The following NUP88 variants were observed in gnomAD, a reference collection of about 807,000 sequenced individuals.
The protein encoded by NUP88 is nuclear pore complex protein Nup88.
Under a neutral mutation model 93.9 loss-of-function variants are expected in NUP88, and 57 were observed. The ratio of observed to expected loss-of-function variants is 0.61; its 90% CI spans 0.49 to 0.76. NUP88 has a LOEUF of 0.76. Among genes scored for constraint, NUP88 ranks in the 30% least tolerant of loss-of-function variants. The probability of loss-of-function intolerance (pLI) is 0.00; values close to 1 mark genes in which losing one functional copy is unlikely to be tolerated. For missense variants in NUP88, 911 were observed against 901.0 expected (o/e 1.01, Z -0.14); for synonymous variants, 346 against 336.8 (o/e 1.03, Z -0.30).
At chr17:5,413,215 TC>T (rs1913942067) in intron 3 of NUP88, among the ~76,000 whole-genome samples, 1 of 151,928 alleles carries the variant, frequency 6.6e-6, no homozygotes, top group African/African-American at 2.4e-5. Flanking sequence ...CAAATGATCC[TC>T]CCACCTCGGC....
At chr17:5,393,209 C>T (rs1408432218) in intron 9 of NUP88, among the ~76,000 whole-genome samples, 3 of 151,872 alleles carry the variant, frequency 2.0e-5, no homozygotes, top group African/African-American at 7.3e-5. Context: ...CCTGCCTCAG[C>T]CTCCCAAAGT....
Position 5,387,770 on chromosome 17 carries a change from ACAT to A in NUP88, c.1769+6_1769+8del. Reference sequence around the variant, plus strand: ...GGGATCGATGGTTTGTGAACACAGGACATCATACCTCCGCTGAATCTCCTCCTT... The same window carrying A: ...GGGATCGATGGTTTGTGAACACAGGACATACCTCCGCTGAATCTCCTCCTT... On this transcript the variant is annotated splice_donor_region_variant and intron_variant, in intron 12 of 16. Transcript: ENST00000573584. 1 of 1,612,202 alleles carries A rather than the reference ACAT, an allele frequency of 6.2e-7. No individual in the cohort carries two copies. The highest frequency in any genetic ancestry group is 8.5e-7 in the Non-Finnish European group (1 of 1,179,012).
chr17:5,399,894 C>G (rs1030548003), intron 7 of NUP88, among the ~76,000 whole-genome samples: 1 of 151,854 alleles, frequency 6.6e-6, no homozygotes, highest in South Asian at 2.1e-4. Flanking sequence ...TGCAATAAAG[C>G]GAATACAGAA....
At position 5,419,594 on chromosome 17, in the gene NUP88, A is replaced by G; in HGVS notation, c.57T>C (p.Pro19=). ...GGAGCCGCAAGAACACGACGTGGTTAGGAAGCCAGGTCTGCCACAGCTCGC... is the reference window on the plus strand; with the variant it reads ...GGAGCCGCAAGAACACGACGTGGTTGGGAAGCCAGGTCTGCCACAGCTCGC... ...GDGELWQTWL[P]NHVVFLRLRE... The change falls in exon 1 of 17, where the codon CCT becomes CCC. Residue 19 remains proline, a synonymous_variant. Transcript: ENST00000573584. 1 of 1,605,804 alleles carries G rather than the reference A, an allele frequency of 6.2e-7. No individual in the cohort carries two copies. The highest frequency in any genetic ancestry group is 8.5e-7 in the Non-Finnish European group (1 of 1,174,780).
chr17:5,397,168 C>T (rs527239435), intron 8 of NUP88, among the ~76,000 whole-genome samples: 3 of 152,088 alleles, frequency 2.0e-5, no homozygotes, highest in African/African-American at 7.2e-5. Flanking sequence ...GGTAAAACCC[C>T]ATCTCTACAA....
In NUP88 at chr17:5,399,594, C is replaced by T; in HGVS notation, c.1249G>A (p.Gly417Arg). ...TGAAGTTTATGAATCCAAGTTAGCC[C>T]AACACTATGTACACCAGCTTCATGA... ...CTHEAGVHSV[G>R]LTWIHKLHKF... The change falls in exon 8 of 17, where the codon GGG (glycine) becomes AGG (arginine). Residue 417 changes from glycine to arginine, a missense_variant. Physicochemically the swap from Gly to Arg is moderately radical, Grantham distance 125. Coordinates refer to ENST00000573584, the MANE Select transcript of NUP88 (RefSeq NM_002532.6). 6.2e-7 allele frequency: 1 copy of T among 1,610,354 alleles called. No individual in the cohort carries two copies. Among genetic ancestry groups the T allele is most frequent in the Non-Finnish European group, 8.5e-7 (1 of 1,177,662 alleles).
At chr17:5,398,097 G>A (rs1051960043) in intron 8 of NUP88, among the ~76,000 whole-genome samples, 38 of 150,770 alleles carry the variant, frequency 2.5e-4, no homozygotes, top group African/African-American at 8.8e-4. Context: ...TTTTTTAGTA[G>A]AGACAGGGTT....
Position 5,414,129 on chromosome 17 carries a change from G to C in NUP88, c.473C>G (p.Thr158Ser), listed in dbSNP as rs781404451. 8 of 1,613,058 alleles carry C rather than the reference G, an allele frequency of 5.0e-6. No individual in the cohort carries two copies. Among genetic ancestry groups the C allele is most frequent in the Non-Finnish European group, 6.8e-6 (8 of 1,179,218 alleles). The change falls in exon 3 of 17, where the codon ACT (threonine) becomes AGT (serine). Residue 158 changes from threonine (T) to serine (S), a missense_variant. By Grantham distance (58) the Thr-to-Ser change is moderately conservative. Coordinates refer to ENST00000573584, the MANE Select transcript of NUP88 (RefSeq NM_002532.6). ...GGKSTVNCST[T>S]PVAERFFTSS... ...GGTGAAAAATCTCTCCGCAACTGGA[G>C]TGGTACTAAAATAAAGATAATAATT...
rs1325330996 is a variant in NUP88, at chr17:5,405,535, G to A, written c.858-292C>T. On this transcript the variant is annotated intron_variant, in intron 5 of 16. Transcript: ENST00000573584. ...ATTAGCATCTAGTGGTTAGAGGCTA[G>A]ACAGAAGCCGCTAAACATTCCCGCA... 3.3e-5 allele frequency among the ~76,000 whole-genome samples: 5 copies of A among 152,280 alleles called. No homozygotes were observed. In the East Asian group the frequency reaches 9.7e-4, roughly 29 times the overall value.
In NUP88 at chr17:5,399,187, G is replaced by A. The variant is rs964982909; in HGVS notation, c.1291+365C>T. On this transcript the variant is annotated intron_variant, in intron 8 of 16. Transcript: ENST00000573584. ...ACTACAGGCGTGAGCCACCGCACCCGGCCTTTTTTTTTTTTTTTTTTTTAA... is the reference window on the plus strand; with the variant it reads ...ACTACAGGCGTGAGCCACCGCACCCAGCCTTTTTTTTTTTTTTTTTTTTAA... 4.4e-3 allele frequency among the ~76,000 whole-genome samples: 559 copies of A among 126,160 alleles called. 4 individuals are homozygous for A. The highest frequency in any genetic ancestry group is 0.016 in the African/African-American group (536 of 33,858). The allele number at this position is 126,160 out of a possible 152,430, so 82.8% of individuals were successfully genotyped here. A position where few individuals can be genotyped will look rare whatever the true frequency, so the allele number is the denominator to read the frequency against.
intron 2 of NUP88, 128 bp from the exon 3 acceptor site, chr17:5,414,262 CT>C (rs1167121535): frequency 8.7e-6 from 6 of 692,486 alleles, no homozygotes; most frequent in Non-Finnish European, 1.4e-5. Flanking sequence ...ACGGCACAAT[CT>C]CGGCTCACTG....
chr17:5,407,282 A>G (rs1447635911), intron 5 of NUP88, among the ~76,000 whole-genome samples: 1 of 152,190 alleles, frequency 6.6e-6, no homozygotes, highest in Non-Finnish European at 1.5e-5. Flanking sequence ...GCATTTCCTT[A>G]AAGTCTTCCA....
intron 11 of NUP88, 146 bp from the exon 12 acceptor site, chr17:5,388,050 G>T: frequency 1.3e-6 from 1 of 778,406 alleles, no homozygotes; most frequent in Non-Finnish European, 1.9e-6. Context: ...ACCCAGGCTG[G>T]AGTGCATTGG....
chr17:5,419,345 T>G lies in NUP88; in HGVS notation c.297+9A>C, dbSNP rs767578717. On this transcript the variant is annotated intron_variant, in intron 1 of 16. Coordinates refer to ENST00000573584, the MANE Select transcript of NUP88 (RefSeq NM_002532.6). Reference sequence around the variant, plus strand: ...GTGAGGGTCACTTCCAAGATCGGCCTGGCATTACCTGGTACTGGGACAGGG... The same window carrying G: ...GTGAGGGTCACTTCCAAGATCGGCCGGGCATTACCTGGTACTGGGACAGGG... The G allele has an allele frequency of 1.3e-6, 2 of 1,549,178 alleles. No homozygotes were observed. Among genetic ancestry groups the G allele is most frequent in the Admixed American group, 2.1e-5 (1 of 47,094 alleles).
intron 4 of NUP88, among the ~76,000 whole-genome samples, chr17:5,409,979 G>A (rs1291963039): frequency 6.6e-6 from 1 of 152,210 alleles, no homozygotes; most frequent in African/African-American, 2.4e-5. Context: ...AGGGCACAGA[G>A]GGAGGAATGA....
chr17:5,401,840 A>G (rs1046184277), intron 7 of NUP88, among the ~76,000 whole-genome samples: 2 of 152,228 alleles, frequency 1.3e-5, no homozygotes, highest in Non-Finnish European at 2.9e-5. Context: ...ATTACTAAAA[A>G]GAGCCAACAT....
chr17:5,400,707 T>C (rs1476945309), intron 7 of NUP88, among the ~76,000 whole-genome samples: 4 of 152,174 alleles, frequency 2.6e-5, no homozygotes, highest in Non-Finnish European at 4.4e-5. Flanking sequence ...TTAAATAAAA[T>C]TGTTGAAGCA....
chr17:5,387,157 TAGG>T, intron 14 of NUP88, 47 bp from the exon 15 acceptor site: 1 of 1,590,520 alleles, frequency 6.3e-7, no homozygotes, highest in Non-Finnish European at 8.6e-7. Context: ...CTCTACTAAT[TAGG>T]AGAAACATAA....
intron 4 of NUP88, among the ~76,000 whole-genome samples, chr17:5,409,251 G>A (rs1312679980): frequency 2.6e-5 from 4 of 151,990 alleles, no homozygotes; most frequent in African/African-American, 9.7e-5. Flanking sequence ...GCAGGTGCCT[G>A]TAGTCCCAGC....
Sources: gnomAD v4.1 joint callset for allele counts (sites outside exome capture counted in the v4.1 genomes callset) on GRCh38, gnomAD v4.1.1 for gene constraint, MANE v1.5 for transcripts, NCBI Gene and HGNC (gene_info 2026-07-23, HGNC 2026-07-21) for gene names.